The following MDFIC2 variants were observed in gnomAD, a reference collection of about 807,000 sequenced individuals.
MDFIC2 encodes the protein myoD family inhibitor domain-containing protein 2.
intron 2 of MDFIC2, among the ~76,000 whole-genome samples, chr3:70,230,581 A>C (rs1263296866): frequency 6.6e-6 from 1 of 152,158 alleles, no homozygotes; most frequent in African/African-American, 2.4e-5. Context: ...TACTGGCAGA[A>C]GTTGTCTACT....
chr3:70,255,801 A>G (rs1203274116), intron 2 of MDFIC2, among the ~76,000 whole-genome samples: 1 of 152,204 alleles, frequency 6.6e-6, no homozygotes, highest in African/African-American at 2.4e-5. Flanking sequence ...TCTGAACATT[A>G]GGAATTGGGA....
intron 2 of MDFIC2, among the ~76,000 whole-genome samples, chr3:70,280,954 T>G (rs527812102): frequency 6.6e-6 from 1 of 152,318 alleles, no homozygotes; most frequent in South Asian, 2.1e-4. Context: ...ATACCCTTTT[T>G]GTGTGATCGT....
chr3:70,261,864 A>C (rs745649047), intron 2 of MDFIC2, among the ~76,000 whole-genome samples: 4 of 152,108 alleles, frequency 2.6e-5, no homozygotes, highest in Non-Finnish European at 5.9e-5. Flanking sequence ...TTTAGAAACA[A>C]GGGGTTTGTT....
intron 2 of MDFIC2, among the ~76,000 whole-genome samples, chr3:70,283,170 G>GTAGT (rs1257069559): frequency 6.6e-6 from 1 of 152,108 alleles, no homozygotes; most frequent in Non-Finnish European, 1.5e-5. Context: ...GTGAGCATAA[G>GTAGT]CAGTCCTGTG....
At chr3:70,294,436 A>G (rs931287878) in intron 2 of MDFIC2, among the ~76,000 whole-genome samples, 5 of 152,148 alleles carry the variant, frequency 3.3e-5, no homozygotes, top group South Asian at 2.1e-4. Context: ...ATAGAAAGGA[A>G]TAAGAAACCA....
intron 2 of MDFIC2, among the ~76,000 whole-genome samples, chr3:70,309,492 GC>G (rs1232160233): frequency 6.6e-6 from 1 of 152,116 alleles, no homozygotes; most frequent in Non-Finnish European, 1.5e-5. Flanking sequence ...CATAAAGCAA[GC>G]ATTCTAGTCC....
intron 2 of MDFIC2, among the ~76,000 whole-genome samples, chr3:70,267,375 A>ACAGATTCTT (rs1383572138): frequency 1.1e-3 from 159 of 145,692 alleles, no homozygotes; most frequent in African/African-American, 3.6e-3. Flanking sequence ...ACTCTCTTGT[A>ACAGATTCTT]CAGATTCTTT....
chr3:70,273,109 T>A (rs1186465340), intron 2 of MDFIC2, among the ~76,000 whole-genome samples: 2 of 152,134 alleles, frequency 1.3e-5, no homozygotes, highest in African/African-American at 2.4e-5. Context: ...AAGGCTGCCG[T>A]TACAAGGAAG....
At chr3:70,205,792 G>A (rs1049036970) in intron 3 of MDFIC2, 2 of 152,008 alleles carry the variant, frequency 1.3e-5, no homozygotes, top group Non-Finnish European at 2.9e-5. Flanking sequence ...ACCATACCTT[G>A]TTACATTTTC....
intron 2 of MDFIC2, among the ~76,000 whole-genome samples, chr3:70,268,936 A>T (rs1314334978): frequency 5.9e-5 from 9 of 152,172 alleles, no homozygotes; most frequent in Non-Finnish European, 1.2e-4. Context: ...AATGGAAGCA[A>T]TTAAAATTTA....
intron 2 of MDFIC2, among the ~76,000 whole-genome samples, chr3:70,244,200 C>A (rs1407591939): frequency 6.6e-6 from 1 of 152,166 alleles, no homozygotes; most frequent in Non-Finnish European, 1.5e-5. Flanking sequence ...CCAATTTTAA[C>A]AAGATGCTTC....
intron 2 of MDFIC2, among the ~76,000 whole-genome samples, chr3:70,287,802 G>A (rs1004498570): frequency 2.1e-4 from 32 of 148,844 alleles, no homozygotes; most frequent in East Asian, 1.4e-3. Context: ...TGTATGTGTC[G>A]AGGAATTTAT....
intron 2 of MDFIC2, among the ~76,000 whole-genome samples, chr3:70,277,300 C>T (rs1204310644): frequency 6.6e-6 from 1 of 152,118 alleles, no homozygotes; most frequent in Non-Finnish European, 1.5e-5. Context: ...TTTGTTTATT[C>T]TGAAACTAAC....
At chr3:70,298,054 A>G (rs1408443347) in intron 2 of MDFIC2, among the ~76,000 whole-genome samples, 1 of 152,074 alleles carries the variant, frequency 6.6e-6, no homozygotes, top group Non-Finnish European at 1.5e-5. Context: ...ATCGGGTGCT[A>G]TTTGCTGAAT....
intron 2 of MDFIC2, among the ~76,000 whole-genome samples, chr3:70,209,701 G>A (rs1484359474): frequency 2.0e-5 from 3 of 152,016 alleles, no homozygotes; most frequent in African/African-American, 7.2e-5. Context: ...TGTTTTCTCT[G>A]ATTTATTCTT....
intron 2 of MDFIC2, among the ~76,000 whole-genome samples, chr3:70,293,785 T>G (rs1165790780): frequency 6.6e-6 from 1 of 152,084 alleles, no homozygotes; most frequent in Non-Finnish European, 1.5e-5. Context: ...ATCTGAACCT[T>G]ACTGAAAGGA....
chr3:70,291,845 G>A (rs1385765747), intron 2 of MDFIC2: 1 of 152,164 alleles, frequency 6.6e-6, no homozygotes, highest in Non-Finnish European at 1.5e-5. Flanking sequence ...GCTGTCTGGT[G>A]ATCTTATCTT....
intron 2 of MDFIC2, among the ~76,000 whole-genome samples, chr3:70,254,651 T>C (rs1438047894): frequency 6.6e-6 from 1 of 152,098 alleles, no homozygotes; most frequent in Non-Finnish European, 1.5e-5. Context: ...TACCTAGAAG[T>C]TTACTATTTA....
At chr3:70,224,545 C>G (rs1332457963) in intron 2 of MDFIC2, among the ~76,000 whole-genome samples, 1 of 152,160 alleles carries the variant, frequency 6.6e-6, no homozygotes, top group Non-Finnish European at 1.5e-5. Flanking sequence ...ATACATTTAA[C>G]ACAACACTAT....
Sources: allele counts gnomAD v4.1 joint callset (sites outside exome capture counted in the v4.1 genomes callset), GRCh38; gene constraint gnomAD v4.1.1; transcripts MANE v1.5; gene names NCBI Gene and HGNC (gene_info 2026-07-23, HGNC 2026-07-21).